PARD3: variants seen among roughly 807,000 people sequenced by gnomAD.
The protein encoded by PARD3 is par-3 family cell polarity regulator, also known as partitioning defective 3 homolog.
A neutral mutation model predicts 155.4 loss-of-function variants in PARD3; 75 were observed. The observed-to-expected ratio is 0.48, with a 90% CI of 0.40 to 0.58. The LOEUF (loss-of-function observed/expected upper bound fraction) is 0.58, where lower values mean the gene tolerates loss of function less well. PARD3 is among the 20% of genes least tolerant of loss of function. The probability of loss-of-function intolerance (pLI) is 0.00; values close to 1 mark genes in which losing one functional copy is unlikely to be tolerated. For synonymous variants in PARD3, 576 were observed against 610.5 expected (o/e 0.94, Z 0.83); for missense variants, 1,642 against 1,721.7 (o/e 0.95, Z 0.82).
intron 3 of PARD3, among the ~76,000 whole-genome samples, chr10:34,483,943 G>A (rs371062574): frequency 6.6e-6 from 1 of 152,076 alleles, no homozygotes; most frequent in African/African-American, 2.4e-5. Context: ...ACGGCTAACA[G>A]GACTATAACT....
At chr10:34,131,613 C>A (rs755516962) in intron 22 of PARD3, 30 bp from the exon 23 acceptor site, 2 of 1,606,442 alleles carry the variant, frequency 1.2e-6, no homozygotes, top group Non-Finnish European at 1.7e-6. Flanking sequence ...GCAGTGAATA[C>A]CCTTCAGAAA....
chr10:34,433,695 T>C (rs1039477242), intron 5 of PARD3, among the ~76,000 whole-genome samples: 4 of 152,204 alleles, frequency 2.6e-5, no homozygotes, highest in African/African-American at 7.2e-5. Context: ...AATCATTCAA[T>C]GTAAGAAAAT....
chr10:34,491,855 T>G (rs975431215), intron 3 of PARD3, among the ~76,000 whole-genome samples: 1 of 152,104 alleles, frequency 6.6e-6, no homozygotes, highest in Non-Finnish European at 1.5e-5. Flanking sequence ...CAAACAGAAT[T>G]CAACCCAGTC....
intron 1 of PARD3, among the ~76,000 whole-genome samples, chr10:34,785,153 T>G (rs1473812535): frequency 1.3e-5 from 2 of 152,398 alleles, no homozygotes; most frequent in Admixed American, 6.5e-5. Flanking sequence ...TAATGCCTCA[T>G]GCAGGAATGT....
chr10:34,593,192 T>C (rs1402941069), intron 2 of PARD3, among the ~76,000 whole-genome samples: 3 of 152,104 alleles, frequency 2.0e-5, no homozygotes, highest in Middle Eastern at 3.2e-3. Context: ...AAAACTAGTA[T>C]TTGCACAACA....
chr10:34,749,784 A>G (rs1329246236), intron 1 of PARD3, among the ~76,000 whole-genome samples: 1 of 152,132 alleles, frequency 6.6e-6, no homozygotes, highest in Non-Finnish European at 1.5e-5. Flanking sequence ...GCACTTTGAG[A>G]GGCAGGAGGG....
At chr10:34,275,826 C>A (rs1372514494) in intron 21 of PARD3, among the ~76,000 whole-genome samples, 1 of 152,130 alleles carries the variant, frequency 6.6e-6, no homozygotes, top group Non-Finnish European at 1.5e-5. Context: ...AGCATACCCC[C>A]TTTACTCTTT....
At chr10:34,577,678 A>C (rs538267694) in intron 2 of PARD3, among the ~76,000 whole-genome samples, 145 of 152,300 alleles carry the variant, frequency 9.5e-4, no homozygotes, top group Middle Eastern at 3.4e-3. Context: ...GGGATGAAAA[A>C]AAATTTCATC....
At chr10:34,667,957 G>C (rs1449053036) in intron 2 of PARD3, among the ~76,000 whole-genome samples, 2 of 152,192 alleles carry the variant, frequency 1.3e-5, no homozygotes, top group Admixed American at 6.5e-5. Flanking sequence ...TCTTAAACTA[G>C]GGGAAGAGGA....
chr10:34,730,746 C>T (rs1013663959), intron 1 of PARD3, among the ~76,000 whole-genome samples: 3 of 152,156 alleles, frequency 2.0e-5, no homozygotes, highest in Non-Finnish European at 4.4e-5. Context: ...ATGACTGCAA[C>T]ACTGCACTCA....
intron 16 of PARD3, among the ~76,000 whole-genome samples, chr10:34,340,911 A>G (rs1346327033): frequency 2.0e-5 from 3 of 152,174 alleles, no homozygotes; most frequent in Non-Finnish European, 4.4e-5. Flanking sequence ...AAATTCTGGT[A>G]CAATACTTCA....
intron 2 of PARD3, among the ~76,000 whole-genome samples, chr10:34,642,477 C>T (rs1355499892): frequency 3.3e-5 from 5 of 152,058 alleles, no homozygotes; most frequent in Admixed American, 3.3e-4. Context: ...TTCCTGAGAC[C>T]CTGAGTCACT....
intron 4 of PARD3, among the ~76,000 whole-genome samples, chr10:34,462,545 A>G (rs976052318): frequency 6.6e-5 from 10 of 152,300 alleles, no homozygotes; most frequent in Middle Eastern, 6.8e-3. Context: ...GAGAAGCAGA[A>G]ATCAAGAAGT....
intron 2 of PARD3, among the ~76,000 whole-genome samples, chr10:34,639,916 T>C (rs1372355771): frequency 6.6e-6 from 1 of 152,116 alleles, no homozygotes; most frequent in Non-Finnish European, 1.5e-5. Flanking sequence ...CGCAGAGTGT[T>C]ATGAGAATCC....
intron 22 of PARD3, among the ~76,000 whole-genome samples, chr10:34,169,296 G>A (rs1438392430): frequency 6.6e-6 from 1 of 152,204 alleles, no homozygotes; most frequent in African/African-American, 2.4e-5. Flanking sequence ...ATAGAGCACA[G>A]TGAAAGAATA....
At chr10:34,440,348 G>T (rs1419716382) in intron 5 of PARD3, among the ~76,000 whole-genome samples, 3 of 152,156 alleles carry the variant, frequency 2.0e-5, no homozygotes, top group Non-Finnish European at 4.4e-5. Flanking sequence ...AAAAGCAAAT[G>T]ACGTACAGAT....
intron 19 of PARD3, among the ~76,000 whole-genome samples, chr10:34,325,901 T>A (rs1834970365): frequency 6.6e-6 from 1 of 152,066 alleles, no homozygotes; most frequent in Non-Finnish European, 1.5e-5. Context: ...GGTGGGCAGA[T>A]CACGAGGTCA....
At chr10:34,550,950 A>G (rs938425966) in intron 2 of PARD3, among the ~76,000 whole-genome samples, 1 of 152,214 alleles carries the variant, frequency 6.6e-6, no homozygotes, top group Non-Finnish European at 1.5e-5. Context: ...AGCACGAGCA[A>G]GAACTCCACT....
At chr10:34,408,842 AATAAT>A (rs1481474943) in intron 5 of PARD3, among the ~76,000 whole-genome samples, 2 of 149,982 alleles carry the variant, frequency 1.3e-5, no homozygotes, top group Admixed American at 6.7e-5. Context: ...GATAAGATAT[AATAAT>A]ATAATAATAT....
Sources: allele counts gnomAD v4.1 joint callset (sites outside exome capture counted in the v4.1 genomes callset), GRCh38; gene constraint gnomAD v4.1.1; transcripts MANE v1.5; gene names NCBI Gene and HGNC (gene_info 2026-07-23, HGNC 2026-07-21).